The following EPHA10 variants were observed in gnomAD, a reference collection of about 807,000 sequenced individuals.
The protein encoded by EPHA10 is EPH receptor A10, also known as ephrin type-A receptor 10.
EPHA10 carries 120 observed loss-of-function variants against 109.7 expected under a neutral mutation model. That is an observed-to-expected ratio of 1.09 (90% confidence interval 0.94 to 1.27). The LOEUF (loss-of-function observed/expected upper bound fraction) is 1.27, where lower values mean the gene tolerates loss of function less well. EPHA10 is among the 50% of genes most tolerant of loss of function. The probability of loss-of-function intolerance (pLI) is 0.00; values close to 1 mark genes in which losing one functional copy is unlikely to be tolerated. For synonymous variants in EPHA10, 640 were observed against 618.9 expected, an observed-to-expected ratio of 1.03 and a Z score of -0.51; for missense variants, 1,396 against 1,411.1, an observed-to-expected ratio of 0.99 and a Z score of 0.17.
chr1:37,721,627 G>C, intron 11 of EPHA10, 33 bp downstream of exon 11: 2 of 1,574,726 alleles, frequency 1.3e-6, no homozygotes, highest in Non-Finnish European at 1.7e-6. Context: ...ATACCCGTGG[G>C]CTGGGCAGCA....
At chr1:37,763,113 T>A (rs1250180314) in intron 1 of EPHA10, among the ~76,000 whole-genome samples, 2 of 152,210 alleles carry the variant, frequency 1.3e-5, no homozygotes, top group East Asian at 1.9e-4. Context: ...TTTAGTGGCT[T>A]AAAACAACAC....
intron 5 of EPHA10, 79 bp downstream of exon 5, chr1:37,752,797 G>C (rs1646348156): frequency 9.4e-7 from 1 of 1,067,104 alleles, no homozygotes; most frequent in Non-Finnish European, 1.2e-6. Flanking sequence ...GGCTCCCGCA[G>C]GACCGACGGG....
In EPHA10 at chr1:37,753,164, G is replaced by A. The variant is rs1225409906; in HGVS notation, c.1069C>T (p.Leu357=). 3.4e-5 allele frequency: 48 copies of A among 1,408,630 alleles called. 1 individual carries two copies. In the Admixed American group the frequency reaches 9.4e-4, roughly 28 times the overall value. 87.3% of individuals were successfully genotyped at this position (1,408,630 alleles called of 1,614,324 possible). ...SLSRSPLVLR[L]RWLPPADSGG... ...GAGTCGGCCGGCGGCAGCCAGCGCA[G>A]TCGCAGCACCAGCGGCGAGCGGCTC... Residue 357 remains leucine, a synonymous_variant, in exon 5 of 17, where the codon CTG becomes TTG. Transcript: ENST00000373048.
At chr1:37,714,590 T>A (rs975742471), downstream of EPHA10, 1 of 152,212 alleles carries the variant, frequency 6.6e-6, no homozygotes, top group Non-Finnish European at 1.5e-5. Context: ...AAGTCCTAAC[T>A]CCCAGTAACT....
At position 37,762,074 on chromosome 1, in the gene EPHA10, TCTC is replaced by T; in HGVS notation, c.178_180del (p.Glu60del). On this transcript the variant is annotated inframe_deletion, in exon 3 of 17. Transcript: ENST00000373048. ...CGGTCGTGTTCATCCACGCCGCTGA[TCTC>T]CTCCCACTGGGGACAAGAGTAAAGG... 6.3e-7 allele frequency: 1 copy of T among 1,584,740 alleles called. No homozygotes were observed. Among genetic ancestry groups the T allele is most frequent in the South Asian group, 1.2e-5 (1 of 86,282 alleles).
intron 5 of EPHA10, among the ~76,000 whole-genome samples, chr1:37,751,139 A>G (rs1228199878): frequency 7.3e-6 from 1 of 137,378 alleles, no homozygotes; most frequent in Non-Finnish European, 1.5e-5. Context: ...CCAGACGCGG[A>G]GCTTGTAGTG....
intron 15 of EPHA10, 34 bp from the exon 16 acceptor site, chr1:37,718,850 C>T (rs768766624): frequency 8.9e-6 from 14 of 1,574,370 alleles, no homozygotes; most frequent in African/African-American, 2.7e-5. Flanking sequence ...CAACCGACAG[C>T]TGGGATCTGG....
At position 37,717,029 on chromosome 1, in the gene EPHA10, A is replaced by AACC; in HGVS notation, c.*1342_*1343insGGT. The AACC allele has an allele frequency of 5.9e-6, 1 of 169,974 alleles. No homozygotes were observed. The highest frequency in any genetic ancestry group is 1.2e-5 in the Non-Finnish European group (1 of 82,898). 10.5% of individuals were successfully genotyped at this position (169,974 alleles called of 1,614,324 possible). Reference sequence around the variant, plus strand: ...CCTCTTGTCTCCTCTTTCCCGCCCCATCCCACCCCACCAACACACAGCCAA... The same window carrying AACC: ...CCTCTTGTCTCCTCTTTCCCGCCCCAACCTCCCACCCCACCAACACACAGCCAA... On this transcript the variant is annotated 3_prime_UTR_variant, in exon 17 of 17. Transcript: ENST00000373048.
intron 15 of EPHA10, 94 bp from the exon 16 acceptor site, chr1:37,718,910 A>G (rs192476081): frequency 1.4e-6 from 2 of 1,465,734 alleles, no homozygotes; most frequent in Non-Finnish European, 1.8e-6. Context: ...GATGGACAGG[A>G]GAAGGGGAGG....
intron 1 of EPHA10, among the ~76,000 whole-genome samples, chr1:37,763,723 C>T (rs1401224969): frequency 6.6e-6 from 1 of 152,074 alleles, no homozygotes; most frequent in Non-Finnish European, 1.5e-5. Flanking sequence ...GTATATACCC[C>T]CCAATCCACT....
intron 5 of EPHA10, among the ~76,000 whole-genome samples, chr1:37,746,316 C>T (rs1646241932): frequency 6.6e-6 from 1 of 151,954 alleles, no homozygotes; most frequent in Non-Finnish European, 1.5e-5. Context: ...AGGCTGGTCT[C>T]GAACTCCTGA....
chr1:37,760,323 C>T (rs1448942098), intron 3 of EPHA10: 1 of 1,045,134 alleles, frequency 9.6e-7, no homozygotes, highest in African/African-American at 1.7e-5. Flanking sequence ...ACATTAATAA[C>T]CCCATCATCA....
rs1569661816 is a variant in EPHA10, at chr1:37,728,379, T to C, written c.1664-1169A>G. On this transcript the variant is annotated intron_variant, in intron 7 of 16. Coordinates refer to ENST00000373048, the MANE Select transcript of EPHA10 (RefSeq NM_001099439.2). ...TAAGAAGAAAAGGAATGAGGGTGTC[T>C]GCTGAGGTGGGAGTGAGGATGGAGA... Among the ~76,000 whole-genome samples, 6 of 152,134 alleles carry C rather than the reference T, an allele frequency of 3.9e-5. No homozygotes were observed. The East Asian group carries it at 1.2e-3, about 29-fold the overall frequency.
chr1:37,746,507 A>G (rs925761368), intron 5 of EPHA10, among the ~76,000 whole-genome samples: 3 of 152,222 alleles, frequency 2.0e-5, no homozygotes, highest in African/African-American at 4.8e-5. Flanking sequence ...AAATATAGTC[A>G]CATTGGGGTT....
At chr1:37,724,427 G>A (rs553036320) in intron 8 of EPHA10, among the ~76,000 whole-genome samples, 2 of 152,270 alleles carry the variant, frequency 1.3e-5, no homozygotes, top group South Asian at 2.1e-4. Context: ...CAGGAGCAAT[G>A]AGCATGGCCC....
chr1:37,763,364 G>T (rs1031257766), intron 1 of EPHA10, among the ~76,000 whole-genome samples: 1 of 152,208 alleles, frequency 6.6e-6, no homozygotes, highest in Non-Finnish European at 1.5e-5. Flanking sequence ...TCTGACTCTG[G>T]CTCCTCCTGC....
chr1:37,763,531 G>A (rs766543115), intron 1 of EPHA10, among the ~76,000 whole-genome samples: 12 of 152,128 alleles, frequency 7.9e-5, no homozygotes, highest in Non-Finnish European at 4.4e-5. Flanking sequence ...ACATATTGGG[G>A]GTGGGGGTCA....
intron 8 of EPHA10, among the ~76,000 whole-genome samples, chr1:37,724,117 G>A (rs1017257210): frequency 7.9e-5 from 12 of 152,242 alleles, no homozygotes; most frequent in Admixed American, 6.5e-4. Context: ...CCACAGGAGA[G>A]GAGCTGGCAG....
At chr1:37,730,701 T>TAA (rs1645967734) in intron 7 of EPHA10, among the ~76,000 whole-genome samples, 1 of 151,400 alleles carries the variant, frequency 6.6e-6, no homozygotes, top group South Asian at 2.1e-4. Context: ...CAATCCTTCT[T>TAA]TTTTTTTTGA....
Sources: allele counts gnomAD v4.1 joint callset (sites outside exome capture counted in the v4.1 genomes callset), GRCh38; gene constraint gnomAD v4.1.1; transcripts MANE v1.5; gene names NCBI Gene and HGNC (gene_info 2026-07-23, HGNC 2026-07-21).